Variants in AAK1 observed in about 807,000 individuals in gnomAD.
AAK1 encodes AP2 associated kinase 1, also known as AP2-associated protein kinase 1.
AAK1 carries 37 observed loss-of-function variants against 116.0 expected under a neutral mutation model. The ratio of observed to expected loss-of-function variants is 0.32; its 90% confidence interval spans 0.25 to 0.42. The LOEUF (loss-of-function observed/expected upper bound fraction) is 0.42, where lower values mean the gene tolerates loss of function less well. Among genes scored for constraint, AAK1 ranks in the 10% least tolerant of loss-of-function variants. The probability of loss-of-function intolerance (pLI) is 1.00; values close to 1 mark genes in which losing one functional copy is unlikely to be tolerated. For synonymous variants in AAK1, 458 were observed against 439.9 expected (o/e 1.04, Z -0.51); for missense variants, 919 against 1,170.6 (o/e 0.79, Z 3.14).
chr2:69,598,029 T>C (rs967159398), intron 2 of AAK1: 2 of 402,652 alleles, frequency 5.0e-6, no homozygotes, highest in Non-Finnish European at 8.5e-6. Flanking sequence ...GAAGACAAAA[T>C]GTTAGCACTG....
In AAK1 at chr2:69,470,934, T is replaced by C. The variant is rs1674654949; in HGVS notation, c.*4935A>G. 1.0e-6 allele frequency: 1 copy of C among 985,786 alleles called. No homozygotes were observed. The highest frequency in any genetic ancestry group is 1.2e-6 in the Non-Finnish European group (1 of 829,928). 61.1% of individuals were successfully genotyped at this position (985,786 alleles called of 1,614,324 possible). On this transcript the variant is annotated 3_prime_UTR_variant, in exon 22 of 22. Coordinates refer to ENST00000409085, the MANE Select transcript of AAK1 (RefSeq NM_014911.5). ...AACATCATGCTCCCATTTGAACAGA[T>C]AAAAGTCTTTATTCCCCTGTATGTT...
chr2:69,493,434 G>A (rs1392721861), intron 17 of AAK1, among the ~76,000 whole-genome samples: 1 of 152,074 alleles, frequency 6.6e-6, no homozygotes, highest in Non-Finnish European at 1.5e-5. Context: ...GGGGGGACTG[G>A]CTGGGAGTTG....
intron 2 of AAK1, among the ~76,000 whole-genome samples, chr2:69,577,770 A>T (rs1672373203): frequency 6.6e-6 from 1 of 152,062 alleles, no homozygotes; most frequent in Non-Finnish European, 1.5e-5. Flanking sequence ...CCCACTCACC[A>T]CAACTGTCTC....
intron 3 of AAK1, among the ~76,000 whole-genome samples, chr2:69,552,100 A>G (rs141699778): frequency 2.0e-5 from 3 of 152,302 alleles, no homozygotes; most frequent in East Asian, 1.9e-4. Context: ...TCTGAGACTT[A>G]GTGGGCTTAA....
In AAK1 at chr2:69,532,138, G is replaced by A; in HGVS notation, c.559C>T (p.Arg187Ter). The A allele has an allele frequency of 6.2e-7, 1 of 1,613,480 alleles. No individual in the cohort carries two copies. Among genetic ancestry groups the A allele is most frequent in the Non-Finnish European group, 8.5e-7 (1 of 1,179,558 alleles). Residue 187 changes from arginine (R) to a stop codon, truncating the protein, a stop_gained, in exon 6 of 22, where the codon CGA (arginine) becomes TGA (stop). Coordinates refer to ENST00000409085, the MANE Select transcript of AAK1 (RefSeq NM_014911.5). LOFTEE classifies it high-confidence loss of function. Reference sequence around the variant, plus strand: ...AAGTCACACAGGACATAGTGGCCTCGGTCATGCAAGAGGATGTTTTCAACC... The same window carrying A: ...AAGTCACACAGGACATAGTGGCCTCAGTCATGCAAGAGGATGTTTTCAACC... The part of the protein sequence containing the change: ...LKVENILLHD[R>*]GHYVLCDFGS...
At chr2:69,512,972 C>G (rs1490129973) in intron 13 of AAK1, among the ~76,000 whole-genome samples, 1 of 152,214 alleles carries the variant, frequency 6.6e-6, no homozygotes, top group Non-Finnish European at 1.5e-5. Flanking sequence ...ATGTCTTGGG[C>G]AACCACTTTC....
chr2:69,501,734 C>T (rs1474546205), intron 16 of AAK1, among the ~76,000 whole-genome samples: 8 of 152,192 alleles, frequency 5.3e-5, no homozygotes. Context: ...ATTTGGGAGG[C>T]CGAGGTGGGT....
intron 2 of AAK1, among the ~76,000 whole-genome samples, chr2:69,612,800 A>G (rs1674147374): frequency 6.6e-6 from 1 of 152,238 alleles, no homozygotes; most frequent in Non-Finnish European, 1.5e-5. Flanking sequence ...AGTCAATGAC[A>G]ATCTCCCAGT....
chr2:69,487,215 T>C (rs753711853), intron 17 of AAK1, among the ~76,000 whole-genome samples: 3 of 152,218 alleles, frequency 2.0e-5, no homozygotes, highest in Non-Finnish European at 4.4e-5. Flanking sequence ...GAGAAAAGGA[T>C]GTAATGGGAG....
rs975367032 is a variant in AAK1, at chr2:69,471,917, A to G, written c.*3952T>C. The stretch of plus-strand genomic sequence containing the variant: ...AAGTATTAATAATAAAACAAATATT[A>G]CATCTTGAGAAAGTAGTTCGTTTCT... On this transcript the variant is annotated 3_prime_UTR_variant, in exon 22 of 22. Coordinates refer to ENST00000409085, the MANE Select transcript of AAK1 (RefSeq NM_014911.5). The G allele has an allele frequency of 1.0e-6, 1 of 985,206 alleles. No individual in the cohort carries two copies. The highest frequency in any genetic ancestry group is 1.7e-5 in the African/African-American group (1 of 57,244). 61.0% of individuals were successfully genotyped at this position (985,206 alleles called of 1,614,324 possible). A position where few individuals can be genotyped will look rare whatever the true frequency, so the allele number is the denominator to read the frequency against.
intron 3 of AAK1, among the ~76,000 whole-genome samples, chr2:69,547,831 AC>A (rs938093230): frequency 6.6e-6 from 1 of 152,220 alleles, no homozygotes; most frequent in Non-Finnish European, 1.5e-5. Context: ...TGTGAAAATA[AC>A]CCAATTCCAT....
intron 2 of AAK1, among the ~76,000 whole-genome samples, chr2:69,640,398 G>A (rs931204471): frequency 2.6e-5 from 4 of 152,158 alleles, no homozygotes; most frequent in African/African-American, 7.2e-5. Context: ...CTTGCCTACA[G>A]TTCCACAGCT....
intron 2 of AAK1, among the ~76,000 whole-genome samples, chr2:69,610,542 C>T (rs761043161): frequency 6.6e-6 from 1 of 152,004 alleles, no homozygotes; most frequent in Non-Finnish European, 1.5e-5. Flanking sequence ...TATCAAAGGA[C>T]AACTAGCAAA....
intron 2 of AAK1, chr2:69,595,020 T>A: frequency 2.7e-6 from 2 of 752,232 alleles, no homozygotes; most frequent in Non-Finnish European, 2.4e-6. Flanking sequence ...TTGCCACACT[T>A]CTGACACAAG....
chr2:69,541,749 T>C (rs1670732213), intron 5 of AAK1, among the ~76,000 whole-genome samples: 1 of 152,198 alleles, frequency 6.6e-6, no homozygotes, highest in Non-Finnish European at 1.5e-5. Flanking sequence ...GTGTGGAACC[T>C]ACCAGCCTGC....
intron 2 of AAK1, among the ~76,000 whole-genome samples, chr2:69,572,726 C>A (rs1313275374): frequency 6.6e-6 from 1 of 151,940 alleles, no homozygotes; most frequent in African/African-American, 2.4e-5. Flanking sequence ...TCACCCCAGT[C>A]CTGGCTGTGT....
chr2:69,519,221 G>A lies in AAK1; in HGVS notation c.1230C>T (p.Gly410=). 6.3e-7 allele frequency: 1 copy of A among 1,583,670 alleles called. No homozygotes were observed. Among genetic ancestry groups the A allele is most frequent in the East Asian group, 2.3e-5 (1 of 43,798 alleles). ...PQAAGSSNQP[G]LLASVPQPKP... ...TTGGTTGGGGAACACTGGCTAAAAG[G>A]CCAGGCTGATTGCTGGATCCTGCAA... Residue 410 remains glycine, a synonymous_variant, in exon 12 of 22, where the codon GGC becomes GGT. Coordinates refer to ENST00000409085, the MANE Select transcript of AAK1 (RefSeq NM_014911.5).
intron 12 of AAK1, among the ~76,000 whole-genome samples, chr2:69,516,165 C>T (rs746976820): frequency 2.0e-5 from 3 of 152,172 alleles, no homozygotes; most frequent in Non-Finnish European, 2.9e-5. Context: ...GGTAGCTGAA[C>T]GCGCCAGAAA....
At chr2:69,596,082 C>T (rs959852355) in intron 2 of AAK1, among the ~76,000 whole-genome samples, 3 of 152,206 alleles carry the variant, frequency 2.0e-5, no homozygotes, top group Admixed American at 6.5e-5. Flanking sequence ...AAACAAAATT[C>T]GTTGCAAAAT....
Sources: allele counts gnomAD v4.1 joint callset (sites outside exome capture counted in the v4.1 genomes callset), GRCh38; gene constraint gnomAD v4.1.1; transcripts MANE v1.5; gene names NCBI Gene and HGNC (gene_info 2026-07-23, HGNC 2026-07-21).